Variants in CENPK observed in about 807,000 individuals in gnomAD.
The protein encoded by CENPK is centromere protein K.
A neutral mutation model predicts 40.9 loss-of-function variants in CENPK; 46 were observed. The ratio of observed to expected loss-of-function variants is 1.13; its 90% CI spans 0.89 to 1.44. The LOEUF is 1.44. Among genes scored for constraint, CENPK ranks in the 40% most tolerant of loss-of-function variants. The probability of loss-of-function intolerance (pLI) is 0.00; values close to 1 mark genes in which losing one functional copy is unlikely to be tolerated. For synonymous variants in CENPK, 107 were observed against 104.4 expected (o/e 1.02, Z -0.15); for missense variants, 288 against 303.5 (o/e 0.95, Z 0.38).
At chr5:65,551,126 T>C in intron 5 of CENPK, 1 of 383,658 alleles carries the variant, frequency 2.6e-6, no homozygotes, top group Non-Finnish European at 5.0e-6. Context: ...GGCACACACT[T>C]GTAGTCCTAG....
chr5:65,513,113 T>C (rs1032887332), downstream of CENPK, among the ~76,000 whole-genome samples: 1 of 152,204 alleles, frequency 6.6e-6, no homozygotes, highest in Non-Finnish European at 1.5e-5. Flanking sequence ...TTATCCCAGA[T>C]TGTGGCATAT....
chr5:65,518,649 A>G lies in CENPK; in HGVS notation c.652-16T>C. Reference sequence around the variant, plus strand: ...TTATAAGAATCTAGGAGAAAATATCATTCAAAATATACTTTACTTGGGAAA... The same window carrying G: ...TTATAAGAATCTAGGAGAAAATATCGTTCAAAATATACTTTACTTGGGAAA... On this transcript the variant is annotated splice_polypyrimidine_tract_variant and intron_variant, in intron 10 of 10. Coordinates refer to ENST00000396679, the MANE Select transcript of CENPK (RefSeq NM_022145.5). 6.6e-7 allele frequency: 1 copy of G among 1,509,488 alleles called. No homozygotes were observed. Among genetic ancestry groups the G allele is most frequent in the Non-Finnish European group, 9.1e-7 (1 of 1,101,490 alleles). The allele number at this position is 1,509,488 out of a possible 1,614,324, so 93.5% of individuals were successfully genotyped here. A position where few individuals can be genotyped will look rare whatever the true frequency, so the allele number is the denominator to read the frequency against.
At chr5:65,498,627 C>CTTTTTTTTTT in the CENPK span, among the ~76,000 whole-genome samples, 1 of 135,796 alleles carries the variant, frequency 7.4e-6, no homozygotes, top group Non-Finnish European at 1.6e-5. Context: ...CTTTCTTTTT[C>CTTTTTTTTTT]TTTTTTCTTT....
the CENPK span, among the ~76,000 whole-genome samples, chr5:65,502,445 T>C: frequency 6.6e-6 from 1 of 152,160 alleles, no homozygotes. Flanking sequence ...AAGCTACAAT[T>C]AACAGGAGGA....
At chr5:65,558,405 G>C (rs1201822940) in intron 2 of CENPK, among the ~76,000 whole-genome samples, 1 of 152,174 alleles carries the variant, frequency 6.6e-6, no homozygotes, top group African/African-American at 2.4e-5. Context: ...CCATTTTAAT[G>C]GGAGGGTCAT....
intron 6 of CENPK, among the ~76,000 whole-genome samples, chr5:65,530,709 G>A (rs1745638202): frequency 6.6e-6 from 1 of 152,172 alleles, no homozygotes; most frequent in African/African-American, 2.4e-5. Context: ...GATAATTAGA[G>A]ACCAGCCTGG....
chr5:65,496,996 G>T, the CENPK span, among the ~76,000 whole-genome samples: 2 of 152,130 alleles, frequency 1.3e-5, no homozygotes, highest in Non-Finnish European at 2.9e-5. Flanking sequence ...GCGGAGCATT[G>T]CAGTGAGCTA....
chr5:65,550,387 T>G (rs1374080559), intron 5 of CENPK: 1 of 152,180 alleles, frequency 6.6e-6, no homozygotes, highest in Non-Finnish European at 1.5e-5. Flanking sequence ...TTGGCCTAAA[T>G]TCAATATTCT....
At chr5:65,534,848 C>T (rs1488457665) in intron 6 of CENPK, among the ~76,000 whole-genome samples, 1 of 152,176 alleles carries the variant, frequency 6.6e-6, no homozygotes, top group Non-Finnish European at 1.5e-5. Context: ...TAGATTTGAG[C>T]TCAGACCTTA....
At chr5:65,545,531 GA>G (rs1748778447) in intron 5 of CENPK, among the ~76,000 whole-genome samples, 1 of 152,054 alleles carries the variant, frequency 6.6e-6, no homozygotes, top group Non-Finnish European at 1.5e-5. Context: ...GAATGAAAGA[GA>G]AATCAAGAAA....
At chr5:65,549,978 C>A (rs1035985933) in intron 5 of CENPK, among the ~76,000 whole-genome samples, 4 of 152,014 alleles carry the variant, frequency 2.6e-5, no homozygotes, top group Non-Finnish European at 4.4e-5. Flanking sequence ...ACCATCCTGG[C>A]CAACATGGTG....
At chr5:65,533,371 A>AAATAAATAAATAAATAAAT (rs1388550373) in intron 6 of CENPK, among the ~76,000 whole-genome samples, 8 of 151,034 alleles carry the variant, frequency 5.3e-5, no homozygotes, top group African/African-American at 2.0e-4. Flanking sequence ...ATAAATAAAT[A>AAATAAATAAATAAATAAAT]AAATAACAAA....
intron 2 of CENPK, among the ~76,000 whole-genome samples, chr5:65,560,665 A>G (rs11953429): frequency 0.033 from 4,975 of 152,308 alleles, 140 homozygotes; most frequent in South Asian, 0.086. Flanking sequence ...ATGAAAATCC[A>G]AATTAAACAA....
At chr5:65,551,522 A>T in intron 5 of CENPK, 42 bp downstream of exon 5, 1 of 1,081,896 alleles carries the variant, frequency 9.2e-7, no homozygotes, top group Non-Finnish European at 1.3e-6. Flanking sequence ...ATTTGCTATT[A>T]ATAGGTTTAC....
At chr5:65,551,900 C>A (rs1236635308) in intron 4 of CENPK, among the ~76,000 whole-genome samples, 1 of 151,296 alleles carries the variant, frequency 6.6e-6, no homozygotes, top group Non-Finnish European at 1.5e-5. Context: ...TCAGATTCGA[C>A]ACAGATAGTA....
At chr5:65,504,797 T>C in the CENPK span, among the ~76,000 whole-genome samples, 1 of 152,224 alleles carries the variant, frequency 6.6e-6, no homozygotes, top group African/African-American at 2.4e-5. Flanking sequence ...AATAAATTTA[T>C]GTGCTCACGG....
chr5:65,506,614 T>C, the CENPK span, among the ~76,000 whole-genome samples: 1 of 152,094 alleles, frequency 6.6e-6, no homozygotes, highest in Non-Finnish European at 1.5e-5. Flanking sequence ...CGAAACCCTG[T>C]CTCTACTAAA....
chr5:65,545,760 A>T (rs1234665357), intron 5 of CENPK, among the ~76,000 whole-genome samples: 4 of 152,208 alleles, frequency 2.6e-5, no homozygotes, highest in Non-Finnish European at 5.9e-5. Context: ...TTGGAGATGG[A>T]TCCCTCCTCA....
At chr5:65,507,428 C>A in the CENPK span, among the ~76,000 whole-genome samples, 876 of 152,220 alleles carry the variant, frequency 5.8e-3, 1 homozygote, top group Middle Eastern at 0.017. Flanking sequence ...TGTTAGAAAG[C>A]GAGAAGGGAG....
Sources: allele counts gnomAD v4.1 joint callset (sites outside exome capture counted in the v4.1 genomes callset), GRCh38; gene constraint gnomAD v4.1.1; transcripts MANE v1.5; gene names NCBI Gene and HGNC (gene_info 2026-07-23, HGNC 2026-07-21).